The following PRDM11 variants were observed in gnomAD, a reference collection of about 807,000 sequenced individuals.
PRDM11 encodes the protein PR domain-containing protein 11.
Under a neutral mutation model 97.8 loss-of-function variants are expected in PRDM11, and 20 were observed. The observed-to-expected ratio is 0.20, with a 90% CI of 0.14 to 0.30. The LOEUF is 0.30. Ranked by LOEUF, PRDM11 falls within the 10% of genes least tolerant of loss-of-function variation. PRDM11 has a pLI of 1.00. For synonymous variants in PRDM11, 599 were observed against 637.7 expected, an observed-to-expected ratio of 0.94 and a Z score of 0.91; for missense variants, 1,139 against 1,555.2, an observed-to-expected ratio of 0.73 and a Z score of 4.50.
intron 1 of PRDM11, among the ~76,000 whole-genome samples, chr11:45,156,966 G>A (rs982104488): frequency 1.3e-5 from 2 of 152,190 alleles, no homozygotes; most frequent in African/African-American, 4.8e-5. Flanking sequence ...GAGAAGCAGT[G>A]GAGTTGGCTG....
chr11:45,174,538 C>A (rs2135723226), intron 1 of PRDM11, among the ~76,000 whole-genome samples: 1 of 152,290 alleles, frequency 6.6e-6, no homozygotes, highest in Non-Finnish European at 1.5e-5. Context: ...TTGATTGATT[C>A]ATTGAGTCAT....
chr11:45,180,761 C>G (rs1565294606), intron 1 of PRDM11, among the ~76,000 whole-genome samples: 1 of 150,054 alleles, frequency 6.7e-6, no homozygotes. Context: ...AGAGCCCGCC[C>G]GCGCCCGCCC....
chr11:45,219,287 G>A lies in PRDM11; in HGVS notation c.555-283G>A, dbSNP rs1334202858. Among the ~76,000 whole-genome samples, 1 of 152,156 alleles carries A rather than the reference G, an allele frequency of 6.6e-6. No homozygotes were observed. The highest frequency in any genetic ancestry group is 1.5e-5 in the Non-Finnish European group (1 of 68,026). On this transcript the variant is annotated intron_variant, in intron 5 of 7. Transcript: ENST00000683152. This position sits in a 1 kb window ranked among gnomAD's most constrained non-coding sequence, Gnocchi z 4.2. ...ATTTAGTTGATATATTTTCCATATG[G>A]TGTGAGGCAGGCAGGGCAGGTGTCA...
At chr11:45,188,706 C>G (rs972336291) in intron 4 of PRDM11, among the ~76,000 whole-genome samples, 3 of 152,216 alleles carry the variant, frequency 2.0e-5, no homozygotes, top group African/African-American at 7.2e-5. Context: ...GAAAGACATG[C>G]CCCTTGCTCT....
chr11:45,211,330 C>A (rs1365293115), intron 5 of PRDM11, among the ~76,000 whole-genome samples: 1 of 152,170 alleles, frequency 6.6e-6, no homozygotes, highest in Non-Finnish European at 1.5e-5. Context: ...CTCCCCATCA[C>A]CTTCCTGGGG....
chr11:45,132,190 G>A (rs1852735716), intron 1 of PRDM11, among the ~76,000 whole-genome samples: 1 of 152,218 alleles, frequency 6.6e-6, no homozygotes, highest in South Asian at 2.1e-4. Flanking sequence ...CCCTGGAGCT[G>A]CGCTGTGCAG....
intron 1 of PRDM11, among the ~76,000 whole-genome samples, chr11:45,122,318 T>A (rs1044013852): frequency 6.6e-5 from 10 of 151,684 alleles, no homozygotes; most frequent in Admixed American, 1.3e-4. Context: ...TGGTATTTTT[T>A]TTATTATTAT....
chr11:45,207,476 A>G (rs1010484569), intron 5 of PRDM11, among the ~76,000 whole-genome samples: 1 of 152,160 alleles, frequency 6.6e-6, no homozygotes, highest in Non-Finnish European at 1.5e-5. Flanking sequence ...GTTGGATGCT[A>G]TCAGATAGAA....
At chr11:45,107,773 A>G (rs1852087502) in intron 1 of PRDM11, among the ~76,000 whole-genome samples, 1 of 152,126 alleles carries the variant, frequency 6.6e-6, no homozygotes, top group Non-Finnish European at 1.5e-5. Flanking sequence ...GTTAATATAC[A>G]TAAAGGCTCC....
chr11:45,172,312 T>G (rs954701547), intron 1 of PRDM11, among the ~76,000 whole-genome samples: 4 of 152,164 alleles, frequency 2.6e-5, no homozygotes, highest in African/African-American at 4.8e-5. Context: ...TTCACAGAGC[T>G]TCATCTCCAG....
chr11:45,228,514 C>T lies in PRDM11; in HGVS notation c.*355C>T, dbSNP rs958589237. ...TAAAATGACAGGTCTCTGTCATCAC[C>T]TTTAGGTAGCTCATTTTGTTTATGT... On this transcript the variant is annotated 3_prime_UTR_variant, in exon 8 of 8. Coordinates refer to ENST00000683152, the MANE Select transcript of PRDM11 (RefSeq NM_001384648.1). The T allele has an allele frequency of 6.6e-6, 1 of 152,156 alleles. No individual in the cohort carries two copies. The highest frequency in any genetic ancestry group is 6.5e-5 in the Admixed American group (1 of 15,282). 9.4% of individuals were successfully genotyped at this position (152,156 alleles called of 1,614,324 possible).
At chr11:45,204,130 A>G (rs966169340) in intron 4 of PRDM11, among the ~76,000 whole-genome samples, 1 of 152,212 alleles carries the variant, frequency 6.6e-6, no homozygotes, top group African/African-American at 2.4e-5. Flanking sequence ...GAAAGAAAAT[A>G]AAACTTAGCC....
At chr11:45,191,313 G>T (rs1852905302) in intron 4 of PRDM11, among the ~76,000 whole-genome samples, 1 of 152,186 alleles carries the variant, frequency 6.6e-6, no homozygotes, top group South Asian at 2.1e-4. Flanking sequence ...AGTTTGTCTT[G>T]TCTTTTACTC....
chr11:45,164,724 G>T (rs1852017600), intron 1 of PRDM11, among the ~76,000 whole-genome samples: 1 of 152,216 alleles, frequency 6.6e-6, no homozygotes, highest in African/African-American at 2.4e-5. Flanking sequence ...TCACCGTGAT[G>T]GTCCTTCGGG....
rs1015683982 is a variant in PRDM11 at position 45,231,474 on chromosome 11, T to G, written c.*3315T>G. 1 of 152,116 alleles carries G rather than the reference T, an allele frequency of 6.6e-6. No individual in the cohort carries two copies. Among genetic ancestry groups the G allele is most frequent in the Admixed American group, 6.5e-5 (1 of 15,272 alleles). The allele number at this position is 152,116 out of a possible 1,614,324, so 9.4% of individuals were successfully genotyped here. ...CAAGACAGAGCCCTTTAACTCAGCC[T>G]CTGGCTTAGGAGTGATGACTACAGG... On this transcript the variant is annotated 3_prime_UTR_variant, in exon 8 of 8. Coordinates refer to ENST00000683152, the MANE Select transcript of PRDM11 (RefSeq NM_001384648.1).
intron 1 of PRDM11, among the ~76,000 whole-genome samples, chr11:45,133,436 C>G (rs1852764044): frequency 1.3e-5 from 2 of 152,222 alleles, no homozygotes; most frequent in South Asian, 4.1e-4. Flanking sequence ...CCCCAATTCT[C>G]ATAACTTTCT....
At position 45,227,849 on chromosome 11, in the gene PRDM11, T is replaced by C. The variant is rs918935996; in HGVS notation, c.3224T>C (p.Ile1075Thr). The C allele has an allele frequency of 3.3e-6, 5 of 1,533,798 alleles. No individual in the cohort carries two copies. The African/African-American group carries it at 6.9e-5, about 21-fold the overall frequency. The change falls in exon 8 of 8, where the codon ATC becomes ACC. Residue 1075 changes from isoleucine to threonine, a missense_variant. Physicochemically the swap from Ile to Thr is moderately conservative, Grantham distance 89. Around this residue, in one of 2 missense-constraint regions of PRDM11, gnomAD observed 710 missense variants for 1,044.9 expected, o/e 0.68. Transcript: ENST00000683152. The surrounding 1 kb of genome is among the most constrained non-coding windows in gnomAD (Gnocchi z 8.0). ...KQRFPLLNKIIQVLKVLPTST... is the reference protein window; with the variant it reads ...KQRFPLLNKITQVLKVLPTST... Reference sequence around the variant, plus strand: ...AGGTTTCCACTCTTGAACAAGATCATCCAGGTTCTTAAAGTCCTCCCCACT... The same window carrying C: ...AGGTTTCCACTCTTGAACAAGATCACCCAGGTTCTTAAAGTCCTCCCCACT...
chr11:45,096,226 C>T (rs760857791), intron 1 of PRDM11, among the ~76,000 whole-genome samples: 1 of 152,146 alleles, frequency 6.6e-6, no homozygotes, highest in South Asian at 2.1e-4. Context: ...CACTAGGACT[C>T]GGAACAGCAC....
At position 45,137,288 on chromosome 11, in the gene PRDM11, C is replaced by T. The variant is rs546547698; in HGVS notation, c.96+41387C>T. ...TCTCTACTAAAAATATAAAAATTAG[C>T]CAGGCTTGGTGGCACACGCCTGTAA... On this transcript the variant is annotated intron_variant, in intron 1 of 6. Transcript: ENST00000530656. Among the ~76,000 whole-genome samples, 18 of 151,652 alleles carry T rather than the reference C, an allele frequency of 1.2e-4. No individual in the cohort carries two copies. In the East Asian group the frequency reaches 2.9e-3, roughly 25 times the overall value.
Sources: allele counts gnomAD v4.1 joint callset (sites outside exome capture counted in the v4.1 genomes callset), GRCh38; gene constraint gnomAD v4.1.1; regional missense constraint gnomAD v4.1.1; non-coding constraint Gnocchi (gnomAD v3.1); transcripts MANE v1.5; gene names NCBI Gene and HGNC (gene_info 2026-07-23, HGNC 2026-07-21).